SI: variants seen among roughly 807,000 people sequenced by gnomAD.
SI encodes sucrase-isomaltase, intestinal.
In SI, 235 loss-of-function variants were observed where a neutral mutation model predicts 253.3. The ratio of observed to expected loss-of-function variants is 0.93; its 90% CI spans 0.83 to 1.03. SI has a LOEUF of 1.03. Among genes scored for constraint, SI ranks in the 50% least tolerant of loss-of-function variants. SI has a pLI of 0.00. For synonymous variants in SI, 819 were observed against 712.0 expected (o/e 1.15, Z -2.39); for missense variants, 2,442 against 2,211.1 (o/e 1.10, Z -2.09).
intron 32 of SI, 112 bp downstream of exon 32, chr3:165,015,840 G>T (rs1718995870): frequency 4.4e-6 from 4 of 916,668 alleles, no homozygotes; most frequent in Non-Finnish European, 7.1e-6. Flanking sequence ...ATTTGGGAGT[G>T]TTACTCAAAG....
upstream of SI, among the ~76,000 whole-genome samples, chr3:165,079,245 T>C (rs911364789): frequency 6.6e-6 from 1 of 151,636 alleles, no homozygotes; most frequent in African/African-American, 2.4e-5. Flanking sequence ...CCTGAGAAAT[T>C]GTGGGCAAAA....
At position 165,015,167 on chromosome 3, in the gene SI, C is replaced by T. The variant is rs376972966; in HGVS notation, c.3955G>A (p.Val1319Ile). 1.2e-5 allele frequency: 19 copies of T among 1,613,430 alleles called. No homozygotes were observed. The highest frequency in any genetic ancestry group is 1.7e-5 in the Admixed American group (1 of 59,988). The change falls in exon 33 of 48, where the codon GTC becomes ATC. Residue 1319 changes from valine (V) to isoleucine (I), a missense_variant. Coordinates refer to ENST00000264382, the MANE Select transcript of SI (RefSeq NM_001041.4). ...TTGGTGTTTGGCCATTTGACAAAGA[C>T]ATCATTCTGCTGTCCTCTTTCAAAT... Reference protein sequence around the residue: ...PAFERGQQNDVFVKWPNTNDI... With the variant: ...PAFERGQQNDIFVKWPNTNDI...
chr3:165,038,078 T>C (rs1245158727), intron 20 of SI, 54 bp from the exon 21 acceptor site: 8 of 1,481,224 alleles, frequency 5.4e-6, no homozygotes, highest in Non-Finnish European at 7.5e-6. Context: ...CTTTAAACTC[T>C]ATTTCACAAG....
intron 9 of SI, among the ~76,000 whole-genome samples, chr3:165,062,123 A>G (rs1714013101): frequency 6.6e-6 from 1 of 151,962 alleles, no homozygotes; most frequent in Non-Finnish European, 1.5e-5. Context: ...ATGAATTCCA[A>G]TTCTTGAACT....
At chr3:164,992,751 C>T (rs1169165415) in intron 41 of SI, among the ~76,000 whole-genome samples, 3 of 151,730 alleles carry the variant, frequency 2.0e-5, no homozygotes, top group African/African-American at 7.2e-5. Context: ...ATTAAAAACA[C>T]TGGAAGAAAA....
chr3:165,001,311 AAAC>A (rs1225732784), intron 37 of SI, among the ~76,000 whole-genome samples: 1 of 151,438 alleles, frequency 6.6e-6, no homozygotes, highest in Non-Finnish European at 1.5e-5. Context: ...ATTTTCATGA[AAAC>A]AACTCTTTGA....
At chr3:165,058,052 A>ATT (rs900852443) in intron 12 of SI, among the ~76,000 whole-genome samples, 53 of 101,518 alleles carry the variant, frequency 5.2e-4, no homozygotes, top group African/African-American at 1.5e-3. Flanking sequence ...GTCTTAAAAT[A>ATT]TTTTTTTTTA....
intron 47 of SI, among the ~76,000 whole-genome samples, chr3:164,980,865 G>A (rs1256031082): frequency 1.3e-5 from 2 of 151,884 alleles, no homozygotes; most frequent in Non-Finnish European, 2.9e-5. Flanking sequence ...TTTCGCCATT[G>A]TAATTTAGTA....
intron 47 of SI, among the ~76,000 whole-genome samples, chr3:164,980,257 T>G (rs1265328117): frequency 6.6e-6 from 1 of 152,108 alleles, no homozygotes; most frequent in Admixed American, 6.6e-5. Flanking sequence ...ATTTAAAAAG[T>G]AATAGTTAAA....
Position 165,049,860 on chromosome 3 carries a change from A to G in SI, c.1528T>C (p.Ser510Pro). 1 of 1,603,572 alleles carries G rather than the reference A, an allele frequency of 6.2e-7. No individual in the cohort carries two copies. Among genetic ancestry groups the G allele is most frequent in the African/African-American group, 1.3e-5 (1 of 74,794 alleles). The part of the protein sequence containing the change: ...DGLWIDMNEV[S>P]SFIQGSTKGC... ...TTTGTTGAACCTTGAATAAAGCTGG[A>G]AACTTCATTCATGTCCTGAATGGAT... is the stretch of plus-strand genomic sequence containing the variant. The change falls in exon 14 of 48, where the codon TCC becomes CCC. Residue 510 changes from serine (S) to proline (P), a missense_variant. Ser to Pro is a moderately conservative substitution (Grantham distance 74). Transcript: ENST00000264382.
At position 165,019,617 on chromosome 3, in the gene SI, T is replaced by G. The variant is rs138927818; in HGVS notation, c.3408A>C (p.Arg1136Ser). 194 of 1,612,348 alleles carry G rather than the reference T, an allele frequency of 1.2e-4. No homozygotes were observed. The highest frequency in any genetic ancestry group is 1.4e-4 in the Non-Finnish European group (162 of 1,178,918). ...LNWNTWGMFT[R>S]DQPPGYKLNS... is the part of the protein sequence containing the mutation. Reference sequence around the variant, plus strand: ...TGGTACCTACACCAGGGGGTTGGTCTCTTGTGAACATTCCCCAAGTATTCC... The same window carrying G: ...TGGTACCTACACCAGGGGGTTGGTCGCTTGTGAACATTCCCCAAGTATTCC... Residue 1136 changes from arginine to serine, a missense_variant, in exon 28 of 48, where the codon AGA becomes AGC. Physicochemically the swap from Arg to Ser is moderately radical, Grantham distance 110. Coordinates refer to ENST00000264382, the MANE Select transcript of SI (RefSeq NM_001041.4).
intron 6 of SI, among the ~76,000 whole-genome samples, chr3:165,065,731 GGA>G (rs1714215473): frequency 6.6e-6 from 1 of 151,098 alleles, no homozygotes; most frequent in Non-Finnish European, 1.5e-5. Flanking sequence ...ACACAAACTG[GGA>G]TAATTAATTG....
intron 37 of SI, among the ~76,000 whole-genome samples, chr3:165,001,618 AC>A (rs1451537359): frequency 2.6e-5 from 4 of 151,484 alleles, no homozygotes; most frequent in African/African-American, 9.7e-5. Flanking sequence ...ATTTTGATAT[AC>A]CAATTGTATC....
rs182730088 is a variant in SI, at chr3:164,982,850, T to A, written c.5247+152A>T. 4.8e-6 allele frequency: 3 copies of A among 628,086 alleles called. No individual in the cohort carries two copies. The Admixed American group carries it at 9.2e-5, about 19-fold the overall frequency. The allele number at this position is 628,086 out of a possible 1,614,324, so 38.9% of individuals were successfully genotyped here. ...TGTTTTTATAGAGATGGGGTCCCAT[T>A]ATGTTGCCCAGACAGGTCTTGAACC... On this transcript the variant is annotated intron_variant, in intron 46 of 47. Coordinates refer to ENST00000264382, the MANE Select transcript of SI (RefSeq NM_001041.4).
At chr3:165,038,356 C>T (rs138653900) in intron 20 of SI, among the ~76,000 whole-genome samples, 6 of 151,338 alleles carry the variant, frequency 4.0e-5, no homozygotes, top group East Asian at 1.9e-4. Flanking sequence ...TCATTATTTC[C>T]GTAAAAATAA....
intron 26 of SI, among the ~76,000 whole-genome samples, chr3:165,021,601 A>G (rs183503038): frequency 6.6e-6 from 1 of 151,730 alleles, no homozygotes; most frequent in Admixed American, 6.6e-5. Flanking sequence ...TTGAACCTTT[A>G]AAAAATGTTT....
intron 38 of SI, 143 bp downstream of exon 38, chr3:164,998,397 T>C (rs1718112426): frequency 1.2e-6 from 1 of 812,036 alleles, no homozygotes; most frequent in South Asian, 1.5e-5. Flanking sequence ...TGGCCCACTG[T>C]CTTTTTCTGA....
the SI span, among the ~76,000 whole-genome samples, chr3:165,087,317 C>T: frequency 2.0e-4 from 30 of 152,076 alleles, no homozygotes; most frequent in Admixed American, 7.9e-4. Context: ...GAACAGAGAA[C>T]GACACCCTTA....
chr3:165,027,919 A>G (rs764819155), intron 25 of SI, among the ~76,000 whole-genome samples: 37 of 151,410 alleles, frequency 2.4e-4, no homozygotes, highest in Non-Finnish European at 5.2e-4. Context: ...TCAACATAGT[A>G]CTGGAAGTCC....
Sources: allele counts gnomAD v4.1 joint callset (sites outside exome capture counted in the v4.1 genomes callset), GRCh38; gene constraint gnomAD v4.1.1; transcripts MANE v1.5; gene names NCBI Gene and HGNC (gene_info 2026-07-23, HGNC 2026-07-21).